The following MKLN1 variants were observed in gnomAD, a reference collection of about 807,000 sequenced individuals.
The protein encoded by MKLN1 is muskelin.
A neutral mutation model predicts 99.0 loss-of-function variants in MKLN1; 18 were observed. The observed-to-expected ratio is 0.18, with a 90% confidence interval of 0.13 to 0.27. The LOEUF (loss-of-function observed/expected upper bound fraction) is 0.27. Among genes scored for constraint, MKLN1 ranks in the 10% least tolerant of loss-of-function variants. The pLI is 1.00. For missense variants in MKLN1, 621 were observed against 875.9 expected, an observed-to-expected ratio of 0.71 and a Z score of 3.67; for synonymous variants, 288 against 293.2, an observed-to-expected ratio of 0.98 and a Z score of 0.18.
chr7:131,393,250 G>T (rs1794259342), intron 4 of MKLN1, among the ~76,000 whole-genome samples: 1 of 152,060 alleles, frequency 6.6e-6, no homozygotes, highest in South Asian at 2.1e-4. Flanking sequence ...TTTGATGAGG[G>T]AGGCATCTTT....
chr7:131,364,946 C>T (rs1302869405), intron 1 of MKLN1, among the ~76,000 whole-genome samples: 2 of 152,008 alleles, frequency 1.3e-5, no homozygotes, highest in South Asian at 4.1e-4. Flanking sequence ...CGGTACTTTA[C>T]GGTAAAATGA....
At chr7:131,179,321 C>T (rs75520070) in intron 2 of MKLN1, among the ~76,000 whole-genome samples, 12,418 of 152,096 alleles carry the variant, frequency 0.082, 618 homozygotes, top group East Asian at 0.2. Flanking sequence ...GCTGTGTGGT[C>T]AGCACTTCCT....
At chr7:131,163,166 T>C (rs1294084332) in intron 2 of MKLN1, among the ~76,000 whole-genome samples, 1 of 152,236 alleles carries the variant, frequency 6.6e-6, no homozygotes, top group Non-Finnish European at 1.5e-5. Context: ...AGTCCAGAAA[T>C]GTAACCCAAG....
chr7:131,240,410 A>T (rs866218822), intron 3 of MKLN1, among the ~76,000 whole-genome samples: 1 of 152,216 alleles, frequency 6.6e-6, no homozygotes, highest in South Asian at 2.1e-4. Context: ...TTGGCAAAGG[A>T]TATAAATGAA....
intron 3 of MKLN1, among the ~76,000 whole-genome samples, chr7:131,301,305 T>C (rs1236134633): frequency 2.6e-5 from 4 of 152,208 alleles, no homozygotes; most frequent in Admixed American, 1.3e-4. Flanking sequence ...TTCAGTTGGA[T>C]GAAACTCAGC....
Position 131,195,820 on chromosome 7 carries a change from G to C in MKLN1, c.-296-7037G>C, listed in dbSNP as rs560551392. ...ACAAAAATTAGCTCAGCATGGCAGCGCGTGCCTGTAATCCCAGCTACTTGG... is the reference window on the plus strand; with the variant it reads ...ACAAAAATTAGCTCAGCATGGCAGCCCGTGCCTGTAATCCCAGCTACTTGG... On this transcript the variant is annotated intron_variant, in intron 2 of 7. Coordinates refer to the MKLN1 transcript ENST00000416992. 1.3e-3 allele frequency among the ~76,000 whole-genome samples: 195 copies of C among 150,392 alleles called. 1 individual carries two copies. The highest frequency in any genetic ancestry group is 2.6e-3 in the Non-Finnish European group (175 of 67,498).
chr7:131,201,601 T>G (rs1796729187), intron 2 of MKLN1, among the ~76,000 whole-genome samples: 1 of 152,226 alleles, frequency 6.6e-6, no homozygotes, highest in Non-Finnish European at 1.5e-5. Flanking sequence ...ATCATCCGTC[T>G]TGTATACTGT....
intron 2 of MKLN1, among the ~76,000 whole-genome samples, chr7:131,383,802 T>C (rs1379857330): frequency 1.3e-5 from 2 of 152,186 alleles, no homozygotes; most frequent in Non-Finnish European, 2.9e-5. Flanking sequence ...AAAATGTGTG[T>C]CAAAACTGTC....
At chr7:131,472,676 C>T (rs1234013311) in intron 16 of MKLN1, among the ~76,000 whole-genome samples, 2 of 151,946 alleles carry the variant, frequency 1.3e-5, no homozygotes, top group African/African-American at 2.4e-5. Flanking sequence ...CTTGGCTGGG[C>T]GCGGTGGCTC....
In MKLN1 at chr7:131,276,252, A is replaced by G. The variant is rs193168746; in HGVS notation, c.-179+73278A>G. Among the ~76,000 whole-genome samples the G allele has an allele frequency of 9.2e-5, 14 of 152,332 alleles. No individual in the cohort carries two copies. The South Asian group carries it at 2.3e-3, about 25-fold the overall frequency. On this transcript the variant is annotated intron_variant, in intron 3 of 7. Coordinates refer to the MKLN1 transcript ENST00000416992. ...GAAGGTAAAGGCAGCTTCCGAGCAC[A>G]AAAGGTTGGGAGAAAAATGTTGGGG... is the stretch of plus-strand genomic sequence containing the variant.
intron 16 of MKLN1, among the ~76,000 whole-genome samples, chr7:131,476,003 GA>G (rs1012221869): frequency 3.3e-5 from 5 of 151,826 alleles, no homozygotes; most frequent in South Asian, 2.1e-4. Context: ...TTTAACATTT[GA>G]AAAAAAATTC....
chr7:131,182,063 C>T (rs576215946), intron 2 of MKLN1, among the ~76,000 whole-genome samples: 3 of 151,942 alleles, frequency 2.0e-5, no homozygotes, highest in South Asian at 2.1e-4. Context: ...GAACCCGGGA[C>T]GGGGAGGCTG....
chr7:131,185,665 G>T (rs1347909942), intron 2 of MKLN1, among the ~76,000 whole-genome samples: 1 of 152,160 alleles, frequency 6.6e-6, no homozygotes, highest in Non-Finnish European at 1.5e-5. Context: ...TCATCCAGGG[G>T]TTGTGAACAT....
chr7:131,308,042 A>T (rs993214815), intron 3 of MKLN1, among the ~76,000 whole-genome samples: 19 of 152,140 alleles, frequency 1.2e-4, no homozygotes, highest in African/African-American at 3.9e-4. Flanking sequence ...GATTTCCCCC[A>T]TGCTCTTCTC....
At chr7:131,210,034 A>G (rs1318288221) in intron 3 of MKLN1, among the ~76,000 whole-genome samples, 2 of 152,250 alleles carry the variant, frequency 1.3e-5, no homozygotes, top group Non-Finnish European at 2.9e-5. Flanking sequence ...TTGTTTATGA[A>G]AAAAGTAAAA....
chr7:131,253,600 G>A (rs190778001), intron 3 of MKLN1, among the ~76,000 whole-genome samples: 3 of 152,282 alleles, frequency 2.0e-5, no homozygotes, highest in Admixed American at 2.0e-4. Context: ...ACACCCAGTG[G>A]CCCTGCTTAT....
At chr7:131,249,298 C>A (rs1453810738) in intron 3 of MKLN1, among the ~76,000 whole-genome samples, 1 of 152,200 alleles carries the variant, frequency 6.6e-6, no homozygotes. Flanking sequence ...GGGCAACTGA[C>A]CCATTTGTTG....
chr7:131,480,381 T>G (rs1001740544), intron 17 of MKLN1, among the ~76,000 whole-genome samples: 1 of 152,242 alleles, frequency 6.6e-6, no homozygotes, highest in Non-Finnish European at 1.5e-5. Context: ...GAAAGTGAAC[T>G]GTACCTCAAA....
At chr7:131,241,171 A>G (rs899137131) in intron 3 of MKLN1, among the ~76,000 whole-genome samples, 13 of 152,080 alleles carry the variant, frequency 8.5e-5, no homozygotes, top group Non-Finnish European at 2.9e-5. Context: ...TGAGGCCAGG[A>G]GTTTGAGACC....
Sources: gnomAD v4.1 joint callset for allele counts (sites outside exome capture counted in the v4.1 genomes callset) on GRCh38, gnomAD v4.1.1 for gene constraint, MANE v1.5 for transcripts, NCBI Gene and HGNC (gene_info 2026-07-23, HGNC 2026-07-21) for gene names.